The following PEPD variants were observed in gnomAD, a reference collection of about 807,000 sequenced individuals.
PEPD encodes xaa-Pro dipeptidase.
In PEPD, 53 loss-of-function variants were observed where a neutral mutation model predicts 60.7. That is an observed-to-expected ratio of 0.87 (90% CI 0.70 to 1.10). PEPD has a LOEUF of 1.10. PEPD is among the 50% of genes least tolerant of loss of function. The pLI, the probability that PEPD is intolerant of heterozygous loss-of-function variation, is 0.00. For missense variants in PEPD, 711 were observed against 711.9 expected, an observed-to-expected ratio of 1.00 and a Z score of 0.01; for synonymous variants, 267 against 284.1, an observed-to-expected ratio of 0.94 and a Z score of 0.60.
chr19:33,489,090 C>G (rs1472275321), intron 6 of PEPD, among the ~76,000 whole-genome samples: 1 of 151,996 alleles, frequency 6.6e-6, no homozygotes, highest in Admixed American at 6.6e-5. Flanking sequence ...CCTCTCCAGG[C>G]TCTCCCGGGG....
chr19:33,501,233 C>A (rs1044146264), intron 3 of PEPD, among the ~76,000 whole-genome samples: 1 of 152,114 alleles, frequency 6.6e-6, no homozygotes, highest in Admixed American at 6.5e-5. Flanking sequence ...TCAGCAAGCC[C>A]CGCTCCTCCG....
At chr19:33,494,534 T>C (rs527310832) in intron 4 of PEPD, among the ~76,000 whole-genome samples, 66 of 152,378 alleles carry the variant, frequency 4.3e-4, no homozygotes, top group African/African-American at 1.6e-3. Flanking sequence ...AACAGAGATC[T>C]GTAATGACAT....
Position 33,521,747 on chromosome 19 carries a change from G to T in PEPD, c.14C>A (p.Thr5Asn). 6.3e-7 allele frequency: 1 copy of T among 1,577,988 alleles called. No individual in the cohort carries two copies. Among genetic ancestry groups the T allele is most frequent in the Non-Finnish European group, 8.6e-7 (1 of 1,167,470 alleles). The change falls in exon 1 of 15, where the codon ACC (threonine) becomes AAC (asparagine). Residue 5 changes from threonine to asparagine, a missense_variant. Transcript: ENST00000244137. ...GCGAGGGAGGCGCAGCACTCACCCG[G>T]TGGCCGCCGCCATGTTCGCCCGGCA... Reference protein sequence around the residue: MAAATGPSFWLGNET... With the variant: MAAANGPSFWLGNET...
chr19:33,476,271 G>A (rs899416780), intron 7 of PEPD, among the ~76,000 whole-genome samples: 2 of 152,082 alleles, frequency 1.3e-5, no homozygotes, highest in East Asian at 1.9e-4. Flanking sequence ...CTCTAACCCC[G>A]AGGGTCAGTA....
In PEPD at chr19:33,413,587, CA is replaced by C; in HGVS notation, c.727del (p.Cys243AlafsTer78). On this transcript the variant is annotated frameshift_variant, in exon 10 of 15. Transcript: ENST00000244137. LOFTEE classifies it high-confidence loss of function. ...GTGCCCCGCTTACCTGCCGCAGATG[CA>C]GGTGTAGGAGCTGTGGCGCATGCCG... The part of the protein sequence containing the change: ...RGGMRHSSYT[C>X]ICGSGENSAV... The C allele has an allele frequency of 6.3e-7, 1 of 1,577,820 alleles. No homozygotes were observed. Among genetic ancestry groups the C allele is most frequent in the Non-Finnish European group, 8.6e-7 (1 of 1,160,356 alleles).
chr19:33,514,395 G>T (rs1970988674), intron 1 of PEPD, among the ~76,000 whole-genome samples: 1 of 152,052 alleles, frequency 6.6e-6, no homozygotes, highest in Middle Eastern at 3.4e-3. Flanking sequence ...CTCCTGCCAG[G>T]GTCACATGAG....
chr19:33,454,627 A>T (rs1418562501), intron 9 of PEPD, among the ~76,000 whole-genome samples: 1 of 152,040 alleles, frequency 6.6e-6, no homozygotes. Flanking sequence ...AAAGAAAGAA[A>T]GTACAATTTC....
intron 9 of PEPD, among the ~76,000 whole-genome samples, chr19:33,420,033 A>T (rs755935824): frequency 2.0e-5 from 3 of 152,224 alleles, no homozygotes; most frequent in Non-Finnish European, 4.4e-5. Flanking sequence ...TTAGCATTTT[A>T]ATTGGATAAT....
chr19:33,413,132 C>T (rs1052368108), intron 10 of PEPD, among the ~76,000 whole-genome samples: 1 of 152,344 alleles, frequency 6.6e-6, no homozygotes, highest in South Asian at 2.1e-4. Context: ...CCCACGCAGC[C>T]ACACCCACAT....
chr19:33,450,444 G>A (rs1353793768), intron 9 of PEPD, among the ~76,000 whole-genome samples: 3 of 152,248 alleles, frequency 2.0e-5, no homozygotes, highest in African/African-American at 7.2e-5. Flanking sequence ...AATATGATTT[G>A]CTAAAGATCT....
intron 9 of PEPD, among the ~76,000 whole-genome samples, chr19:33,419,058 C>T (rs973797762): frequency 1.3e-5 from 2 of 152,160 alleles, no homozygotes; most frequent in East Asian, 1.9e-4. Context: ...CTCTTCCTGC[C>T]GCTCCTACAC....
chr19:33,409,145 G>C (rs1004037865), intron 11 of PEPD, among the ~76,000 whole-genome samples: 5 of 152,192 alleles, frequency 3.3e-5, no homozygotes, highest in Admixed American at 1.3e-4. Flanking sequence ...GACCCTCTCC[G>C]GGGCAGATAA....
chr19:33,393,182 T>A (rs534033455), intron 12 of PEPD, among the ~76,000 whole-genome samples: 23 of 149,240 alleles, frequency 1.5e-4, no homozygotes, highest in South Asian at 4.3e-4. Flanking sequence ...GGGTCTGGCG[T>A]GGGGGAGGCC....
At chr19:33,393,891 G>T (rs924221834) in intron 12 of PEPD, among the ~76,000 whole-genome samples, 1 of 152,254 alleles carries the variant, frequency 6.6e-6, no homozygotes, top group East Asian at 1.9e-4. Flanking sequence ...GCCTGTGCCA[G>T]GCCTTGACCT....
In PEPD at chr19:33,441,196, C is replaced by T. The variant is rs147899529; in HGVS notation, c.671+21799G>A. Among the ~76,000 whole-genome samples the T allele has an allele frequency of 3.9e-5, 6 of 152,332 alleles. No individual in the cohort carries two copies. The East Asian group carries it at 1.2e-3, about 29-fold the overall frequency. On this transcript the variant is annotated intron_variant, in intron 9 of 14. Coordinates refer to ENST00000244137, the MANE Select transcript of PEPD (RefSeq NM_000285.4). ...TCTCCACCAAGCCCAGGGAGCTCAG[C>T]CCTGGCTCTCCAAGGCCTCCTGAGA... is the stretch of plus-strand genomic sequence containing the variant.
At chr19:33,510,641 G>T (rs1970906522) in intron 3 of PEPD, among the ~76,000 whole-genome samples, 1 of 152,214 alleles carries the variant, frequency 6.6e-6, no homozygotes, top group Non-Finnish European at 1.5e-5. Context: ...TGAGGCAAGG[G>T]TAAGAAGGCC....
intron 12 of PEPD, among the ~76,000 whole-genome samples, chr19:33,392,398 ATGGT>A (rs1225092768): frequency 2.6e-5 from 4 of 152,112 alleles, no homozygotes; most frequent in Non-Finnish European, 2.9e-5. Context: ...GCCTCTCCTC[ATGGT>A]AGCTTCCACT....
chr19:33,521,627 A>T lies in PEPD; in HGVS notation c.17+117T>A, dbSNP rs182813510. 35 of 1,121,824 alleles carry T rather than the reference A, an allele frequency of 3.1e-5. 1 individual carries two copies. In the East Asian group the frequency reaches 9.0e-4, roughly 29 times the overall value. 69.5% of individuals were successfully genotyped at this position (1,121,824 alleles called of 1,614,324 possible). On this transcript the variant is annotated intron_variant, in intron 1 of 14. Transcript: ENST00000244137. ...GCTGGGACTCCGGGCCAACGGGAAG[A>T]GGCGCCTACCCGCGGCATTCAGCGA...
At chr19:33,501,499 T>G (rs564112830) in intron 3 of PEPD, among the ~76,000 whole-genome samples, 1 of 152,094 alleles carries the variant, frequency 6.6e-6, no homozygotes, top group South Asian at 2.1e-4. Context: ...GCTAACACGG[T>G]GAAACCCCAT....
Sources: gnomAD v4.1 joint callset for allele counts (sites outside exome capture counted in the v4.1 genomes callset) on GRCh38, gnomAD v4.1.1 for gene constraint, MANE v1.5 for transcripts, NCBI Gene and HGNC (gene_info 2026-07-23, HGNC 2026-07-21) for gene names.